Variants in ALPK2 observed in about 807,000 individuals in gnomAD.
ALPK2 encodes alpha-protein kinase 2.
Under a neutral mutation model 163.1 loss-of-function variants are expected in ALPK2, and 127 were observed. The observed-to-expected ratio is 0.78, with a 90% CI of 0.67 to 0.90. The LOEUF is 0.90. Among genes scored for constraint, ALPK2 ranks in the 40% least tolerant of loss-of-function variants. The pLI is 0.00. For synonymous variants in ALPK2, 953 were observed against 959.1 expected (o/e 0.99, Z 0.12); for missense variants, 2,360 against 2,589.6 (o/e 0.91, Z 1.92).
intron 5 of ALPK2, among the ~76,000 whole-genome samples, chr18:58,530,505 C>G (rs1327315295): frequency 6.6e-6 from 1 of 152,254 alleles, no homozygotes; most frequent in African/African-American, 2.4e-5. Context: ...CCCACCTCCT[C>G]ATCTGGGCCA....
At chr18:58,615,569 C>G (rs989654626) in intron 1 of ALPK2, among the ~76,000 whole-genome samples, 1 of 152,186 alleles carries the variant, frequency 6.6e-6, no homozygotes, top group African/African-American at 2.4e-5. Context: ...TGGTAATCAG[C>G]GTAGTATAAG....
Position 58,578,941 on chromosome 18 carries a change from G to A in ALPK2, c.1835C>T (p.Ala612Val), listed in dbSNP as rs2144197213. 1 of 1,614,146 alleles carries A rather than the reference G, an allele frequency of 6.2e-7. No homozygotes were observed. The highest frequency in any genetic ancestry group is 1.1e-5 in the South Asian group (1 of 91,082). The part of the protein sequence containing the change: ...CAISTQAEQE[A>V]KTLQTSTDSV... ...GTCTGTTGAAGTTTGAAGGGTTTTT[G>A]CTTCTTGCTCTGCCTGGGTTGAAAT... Residue 612 changes from alanine (A) to valine (V), a missense_variant, in exon 4 of 13, where the codon GCA becomes GTA. Transcript: ENST00000361673.
At chr18:58,564,032 T>C (rs1262905322) in intron 4 of ALPK2, among the ~76,000 whole-genome samples, 1 of 151,690 alleles carries the variant, frequency 6.6e-6, no homozygotes, top group Non-Finnish European at 1.5e-5. Context: ...TCTCTGAAAA[T>C]TGAGAAAGGA....
chr18:58,551,070 G>A (rs1054875870), intron 4 of ALPK2, among the ~76,000 whole-genome samples: 2 of 149,356 alleles, frequency 1.3e-5, no homozygotes, highest in Admixed American at 6.7e-5. Context: ...GGTAACCCTA[G>A]TTTCCTGGGC....
chr18:58,595,020 A>G (rs891275262), intron 3 of ALPK2, among the ~76,000 whole-genome samples: 8 of 152,154 alleles, frequency 5.3e-5, no homozygotes, highest in African/African-American at 1.9e-4. Flanking sequence ...ATGTGTCTCC[A>G]TCTCACTCCA....
Position 58,579,852 on chromosome 18 carries a change from A to T in ALPK2, c.924T>A (p.Tyr308Ter), listed in dbSNP as rs781603357. Residue 308 changes from tyrosine (Y) to a stop codon, truncating the protein, a stop_gained, in exon 4 of 13, where the codon TAT becomes TAA. Transcript: ENST00000361673. LOFTEE classifies it high-confidence loss of function. ...QLSSEDSDSD[Y>*]ELCPEITLTY... is the part of the protein sequence containing the mutation. ...TTAGGGTTATCTCTGGGCAAAGTTC[A>T]TAGTCACTGTCAGAGTCTTCACTGG... 6 of 1,614,220 alleles carry T rather than the reference A, an allele frequency of 3.7e-6. No homozygotes were observed. Among genetic ancestry groups the T allele is most frequent in the Non-Finnish European group, 5.1e-6 (6 of 1,180,032 alleles).
intron 12 of ALPK2, among the ~76,000 whole-genome samples, chr18:58,492,631 GAC>G (rs1335523381): frequency 6.6e-6 from 1 of 152,138 alleles, no homozygotes; most frequent in African/African-American, 2.4e-5. Flanking sequence ...GACTTCTCTA[GAC>G]GTTCTCTCTG....
At chr18:58,500,821 G>T in intron 11 of ALPK2, among the ~76,000 whole-genome samples, 1 of 151,652 alleles carries the variant, frequency 6.6e-6, no homozygotes, top group East Asian at 1.9e-4. Flanking sequence ...TCAAGGTCTT[G>T]AGTTTTTTGG....
intron 12 of ALPK2, among the ~76,000 whole-genome samples, chr18:58,485,108 C>T (rs999812995): frequency 1.4e-4 from 22 of 152,212 alleles, no homozygotes; most frequent in African/African-American, 4.8e-4. Flanking sequence ...ACACAGGGCC[C>T]TTCTGAGTGT....
rs140627437 is a variant in ALPK2 at position 58,554,799 on chromosome 18, T to C, written c.1963-16575A>G. ...CTGTGTCCCCACCCAAATCTTATCT[T>C]GAATTGTAGCTCCCATAATCCCCAT... On this transcript the variant is annotated intron_variant, in intron 4 of 12. Coordinates refer to ENST00000361673, the MANE Select transcript of ALPK2 (RefSeq NM_052947.4). 5.9e-3 allele frequency among the ~76,000 whole-genome samples: 894 copies of C among 152,282 alleles called. 8 individuals carry two copies. The highest frequency in any genetic ancestry group is 0.02 in the African/African-American group (829 of 41,560).
Position 58,562,452 on chromosome 18 carries a change from G to A in ALPK2, c.1962+16362C>T, listed in dbSNP as rs541163001. 2.0e-5 allele frequency among the ~76,000 whole-genome samples: 3 copies of A among 152,352 alleles called. No homozygotes were observed. The South Asian group carries it at 6.2e-4, about 32-fold the overall frequency. ...TTTCAGAAAAATGCCTTACTGAAGT[G>A]TCAGTTGGTGTCGTGCCATAAGCAC... is the stretch of plus-strand genomic sequence containing the variant. On this transcript the variant is annotated intron_variant, in intron 4 of 12. Transcript: ENST00000361673.
At chr18:58,488,281 A>T (rs2051350657) in intron 12 of ALPK2, among the ~76,000 whole-genome samples, 1 of 148,572 alleles carries the variant, frequency 6.7e-6, no homozygotes, top group South Asian at 2.3e-4. Context: ...CCCTCACTCA[A>T]CAAAGATTTA....
chr18:58,539,636 G>C (rs2051679818), intron 4 of ALPK2, among the ~76,000 whole-genome samples: 1 of 152,198 alleles, frequency 6.6e-6, no homozygotes, highest in South Asian at 2.1e-4. Context: ...GCAGGGAACA[G>C]ATGACTGGCC....
intron 2 of ALPK2, among the ~76,000 whole-genome samples, chr18:58,610,275 CAAAAAAAA>C (rs74183283): frequency 2.6e-3 from 164 of 61,906 alleles, no homozygotes; most frequent in African/African-American, 0.01. Context: ...GACCCTGTCT[CAAAAAAAA>C]AAAAAAAAAA....
chr18:58,600,262 C>G (rs1020910404), intron 3 of ALPK2, among the ~76,000 whole-genome samples: 3 of 152,098 alleles, frequency 2.0e-5, no homozygotes, highest in Non-Finnish European at 4.4e-5. Flanking sequence ...GTCTTGAACT[C>G]CTGACCTCAA....
At chr18:58,486,351 C>T (rs1445625984) in intron 12 of ALPK2, among the ~76,000 whole-genome samples, 2 of 152,164 alleles carry the variant, frequency 1.3e-5, no homozygotes, top group Non-Finnish European at 2.9e-5. Flanking sequence ...TCTCTCCGCA[C>T]CATGAGAGGA....
At chr18:58,504,939 T>C (rs1708731627) in intron 10 of ALPK2, among the ~76,000 whole-genome samples, 2 of 152,072 alleles carry the variant, frequency 1.3e-5, no homozygotes, top group African/African-American at 2.4e-5. Context: ...GCAGCACTCC[T>C]GGCGTGCAGC....
chr18:58,576,957 A>G (rs377169100), intron 4 of ALPK2, among the ~76,000 whole-genome samples: 1 of 152,234 alleles, frequency 6.6e-6, no homozygotes, highest in Non-Finnish European at 1.5e-5. Context: ...TTTCTGAACA[A>G]CAGTGTTCAC....
intron 1 of ALPK2, among the ~76,000 whole-genome samples, chr18:58,624,314 T>A (rs1289692698): frequency 6.6e-6 from 1 of 152,172 alleles, no homozygotes; most frequent in African/African-American, 2.4e-5. Flanking sequence ...GCTGGCCTGA[T>A]AAAACCAAAA....
Sources: allele counts gnomAD v4.1 joint callset (sites outside exome capture counted in the v4.1 genomes callset), GRCh38; gene constraint gnomAD v4.1.1; transcripts MANE v1.5; gene names NCBI Gene and HGNC (gene_info 2026-07-23, HGNC 2026-07-21).